Variants in C5orf52 observed in about 807,000 individuals in gnomAD.
The protein encoded by C5orf52 is uncharacterized protein C5orf52.
Under a neutral mutation model 16.8 loss-of-function variants are expected in C5orf52, and 15 were observed. The observed-to-expected ratio is 0.89, with a 90% CI of 0.60 to 1.38. The LOEUF is 1.38. Among genes scored for constraint, C5orf52 ranks in the 40% most tolerant of loss-of-function variants. The probability of loss-of-function intolerance (pLI) is 0.00; values close to 1 mark genes in which losing one functional copy is unlikely to be tolerated. For missense variants in C5orf52, 206 were observed against 213.1 expected (o/e 0.97, Z 0.21); for synonymous variants, 83 against 87.2 (o/e 0.95, Z 0.27).
upstream of C5orf52, chr5:157,671,402 G>GACA: frequency 1.8e-6 from 1 of 559,962 alleles, no homozygotes; most frequent in South Asian, 2.4e-5. Flanking sequence ...GATGCCGAGG[G>GACA]ACAATATTAC....
chr5:157,674,739 C>T lies in C5orf52; in HGVS notation c.213-353C>T, dbSNP rs141113086. ...CAAGATTGCACCACCACACTCCAGC[C>T]TGGGAGACAGAGTGAAACTCCGCCT... is the stretch of plus-strand genomic sequence containing the variant. On this transcript the variant is annotated intron_variant, in intron 1 of 2. Coordinates refer to ENST00000409999, the MANE Select transcript of C5orf52 (RefSeq NM_001145132.2). 2.1e-3 allele frequency among the ~76,000 whole-genome samples: 326 copies of T among 152,220 alleles called. 3 individuals carry two copies. Among genetic ancestry groups the T allele is most frequent in the African/African-American group, 7.6e-3 (314 of 41,528 alleles).
Position 157,680,079 on chromosome 5 carries a change from A to G in C5orf52, c.*80A>G. ...CCAGGGTCACGATGACACCAGTGTG[A>G]CCCGAGGAGAACTAGTAACTACAAC... On this transcript the variant is annotated 3_prime_UTR_variant, in exon 3 of 3. Coordinates refer to ENST00000409999, the MANE Select transcript of C5orf52 (RefSeq NM_001145132.2). 7.5e-7 allele frequency: 1 copy of G among 1,331,882 alleles called. No individual in the cohort carries two copies. The highest frequency in any genetic ancestry group is 1.5e-5 in the African/African-American group (1 of 67,340). 82.5% of individuals were successfully genotyped at this position (1,331,882 alleles called of 1,614,324 possible).
rs1265003482 is a variant in C5orf52, at chr5:157,680,024, A to T, written c.*25A>T. The T allele has an allele frequency of 1.3e-6, 2 of 1,548,548 alleles. No individual in the cohort carries two copies. Among genetic ancestry groups the T allele is most frequent in the East Asian group, 4.9e-5 (2 of 40,906 alleles). ...AACTCCAGTCTCCCAAGAAAGGCCAACCACCCTAGTTCTGGCAAAGGGATC... is the reference window on the plus strand; with the variant it reads ...AACTCCAGTCTCCCAAGAAAGGCCATCCACCCTAGTTCTGGCAAAGGGATC... On this transcript the variant is annotated 3_prime_UTR_variant, in exon 3 of 3. Coordinates refer to ENST00000409999, the MANE Select transcript of C5orf52 (RefSeq NM_001145132.2).
chr5:157,678,877 G>A (rs1432239023), intron 2 of C5orf52, among the ~76,000 whole-genome samples: 1 of 152,024 alleles, frequency 6.6e-6, no homozygotes, highest in African/African-American at 2.4e-5. Context: ...GTTCATGCCT[G>A]TAATCTCAGC....
chr5:157,676,342 G>A (rs192851371), intron 2 of C5orf52, among the ~76,000 whole-genome samples: 16 of 152,190 alleles, frequency 1.1e-4, no homozygotes, highest in Non-Finnish European at 7.4e-5. Context: ...CAAAGTGCTG[G>A]GATTACAGGA....
intron 2 of C5orf52, among the ~76,000 whole-genome samples, 154 bp from the exon 3 acceptor site, chr5:157,679,687 C>G (rs78221044): frequency 6.6e-6 from 1 of 152,276 alleles, no homozygotes; most frequent in Non-Finnish European, 1.5e-5. Context: ...GAAATAGGCT[C>G]TCTGTGAGTC....
chr5:157,680,019 G>A lies in C5orf52; in HGVS notation c.*20G>A. On this transcript the variant is annotated 3_prime_UTR_variant, in exon 3 of 3. Coordinates refer to ENST00000409999, the MANE Select transcript of C5orf52 (RefSeq NM_001145132.2). ...GTTTAAACTCCAGTCTCCCAAGAAA[G>A]GCCAACCACCCTAGTTCTGGCAAAG... is the stretch of plus-strand genomic sequence containing the variant. 3 of 1,549,334 alleles carry A rather than the reference G, an allele frequency of 1.9e-6. No homozygotes were observed. Among genetic ancestry groups the A allele is most frequent in the Non-Finnish European group, 2.6e-6 (3 of 1,146,102 alleles).
At position 157,680,052 on chromosome 5, in the gene C5orf52, C is replaced by A; in HGVS notation, c.*53C>A. On this transcript the variant is annotated 3_prime_UTR_variant, in exon 3 of 3. Transcript: ENST00000409999. ...ACCCTAGTTCTGGCAAAGGGATCTG[C>A]CCCAGGGTCACGATGACACCAGTGT... is the stretch of plus-strand genomic sequence containing the variant. The A allele has an allele frequency of 6.6e-7, 1 of 1,511,878 alleles. No homozygotes were observed. Among genetic ancestry groups the A allele is most frequent in the Non-Finnish European group, 8.9e-7 (1 of 1,122,990 alleles). The allele number at this position is 1,511,878 out of a possible 1,614,324, so 93.7% of individuals were successfully genotyped here. A position where few individuals can be genotyped will look rare whatever the true frequency, so the allele number is the denominator to read the frequency against.
chr5:157,677,505 C>T (rs895451699), intron 2 of C5orf52, among the ~76,000 whole-genome samples: 4 of 151,724 alleles, frequency 2.6e-5, no homozygotes, highest in Admixed American at 1.3e-4. Flanking sequence ...AAATAGAAAA[C>T]TAGCCAGGTG....
chr5:157,679,788 T>A, intron 2 of C5orf52, 53 bp from the exon 3 acceptor site: 3 of 1,504,270 alleles, frequency 2.0e-6, no homozygotes, highest in Non-Finnish European at 2.7e-6. Context: ...GAAGTAATCC[T>A]AATCTCACCT....
intron 1 of C5orf52, among the ~76,000 whole-genome samples, 193 bp downstream of exon 1, chr5:157,672,019 C>T (rs1177441066): frequency 6.6e-6 from 1 of 152,240 alleles, no homozygotes; most frequent in Admixed American, 6.5e-5. Context: ...CGAACTCCCT[C>T]GCCCCGGAAT....
chr5:157,674,317 C>G (rs1039278896), intron 1 of C5orf52, among the ~76,000 whole-genome samples: 1 of 152,270 alleles, frequency 6.6e-6, no homozygotes, highest in East Asian at 1.9e-4. Context: ...CCCAACCCCC[C>G]ACCTCCCAGA....
chr5:157,673,318 CAG>C (rs1759832679), intron 1 of C5orf52, among the ~76,000 whole-genome samples: 1 of 151,456 alleles, frequency 6.6e-6, no homozygotes, highest in Non-Finnish European at 1.5e-5. Context: ...ACATGGGCGA[CAG>C]AGTGAGATCC....
intron 1 of C5orf52, 66 bp from the exon 2 acceptor site, chr5:157,675,026 T>C: frequency 3.9e-6 from 4 of 1,029,920 alleles, no homozygotes; most frequent in Non-Finnish European, 5.9e-6. Flanking sequence ...CAGGACCCCA[T>C]CAAATGTGCT....
intron 1 of C5orf52, among the ~76,000 whole-genome samples, chr5:157,674,428 A>G (rs1466546647): frequency 6.6e-6 from 1 of 151,954 alleles, no homozygotes; most frequent in Non-Finnish European, 1.5e-5. Flanking sequence ...CCTCTCCTCT[A>G]AGACTCCTCT....
At chr5:157,674,940 A>T (rs1185329305) in intron 1 of C5orf52, among the ~76,000 whole-genome samples, 152 bp from the exon 2 acceptor site, 2 of 151,942 alleles carry the variant, frequency 1.3e-5, no homozygotes, top group Admixed American at 1.3e-4. Context: ...AACTGTGGTT[A>T]CTCCCCTGTT....
intron 2 of C5orf52, among the ~76,000 whole-genome samples, chr5:157,678,410 C>T (rs1401995591): frequency 6.6e-6 from 1 of 152,196 alleles, no homozygotes; most frequent in Non-Finnish European, 1.5e-5. Flanking sequence ...CAAACCCTCC[C>T]ATCCTTCAAA....
intron 2 of C5orf52, among the ~76,000 whole-genome samples, chr5:157,679,009 A>G (rs1001005869): frequency 6.6e-6 from 1 of 151,830 alleles, no homozygotes; most frequent in Non-Finnish European, 1.5e-5. Flanking sequence ...TGGCGGGCGC[A>G]TGTAGTCCCA....
At chr5:157,675,457 ATC>A in intron 2 of C5orf52, among the ~76,000 whole-genome samples, 1 of 152,162 alleles carries the variant, frequency 6.6e-6, no homozygotes, top group Non-Finnish European at 1.5e-5. Context: ...AAAGCACATT[ATC>A]TCTCTATTTA....
Sources: gnomAD v4.1 joint callset for allele counts (sites outside exome capture counted in the v4.1 genomes callset) on GRCh38, gnomAD v4.1.1 for gene constraint, MANE v1.5 for transcripts, NCBI Gene and HGNC (gene_info 2026-07-23, HGNC 2026-07-21) for gene names.